PPARG: variants seen among roughly 807,000 people sequenced by gnomAD.
PPARG encodes peroxisome proliferator activated receptor gamma, also known as peroxisome proliferator-activated receptor gamma.
Under a neutral mutation model 39.2 loss-of-function variants are expected in PPARG, and 17 were observed. The observed-to-expected ratio is 0.43, with a 90% CI of 0.30 to 0.65. The LOEUF is 0.65. Among genes scored for constraint, PPARG ranks in the 30% least tolerant of loss-of-function variants. The pLI, the probability that PPARG is intolerant of heterozygous loss-of-function variation, is 0.13. For synonymous variants in PPARG, 223 were observed against 215.7 expected (o/e 1.03, Z -0.30); for missense variants, 406 against 585.9 (o/e 0.69, Z 3.17).
chr3:12,385,577 T>C (rs1200802809), intron 4 of PPARG, among the ~76,000 whole-genome samples: 2 of 152,178 alleles, frequency 1.3e-5, no homozygotes, highest in African/African-American at 4.8e-5. Context: ...TTCCATCCTA[T>C]TTTTTATCTT....
At chr3:12,338,297 C>G (rs1235349897) in intron 2 of PPARG, among the ~76,000 whole-genome samples, 1 of 152,170 alleles carries the variant, frequency 6.6e-6, no homozygotes, top group Non-Finnish European at 1.5e-5. Context: ...GTGTTTTAGA[C>G]CTAGCTGTCA....
chr3:12,320,888 AAAGAG>A (rs1224769748), intron 2 of PPARG, among the ~76,000 whole-genome samples: 1 of 152,190 alleles, frequency 6.6e-6, no homozygotes, highest in Non-Finnish European at 1.5e-5. Context: ...AAGAAAAAGA[AAAGAG>A]AAGAGAAGAC....
chr3:12,351,941 A>G (rs1350115811), intron 2 of PPARG, among the ~76,000 whole-genome samples: 1 of 152,240 alleles, frequency 6.6e-6, no homozygotes. Flanking sequence ...GTTATATCCA[A>G]AAACAATCCT....
At chr3:12,332,616 C>T (rs2047893000) in intron 2 of PPARG, among the ~76,000 whole-genome samples, 1 of 152,086 alleles carries the variant, frequency 6.6e-6, no homozygotes, top group African/African-American at 2.4e-5. Context: ...CAGTACATTC[C>T]TCAGCATTAT....
intron 4 of PPARG, among the ~76,000 whole-genome samples, chr3:12,383,167 C>A (rs1352882947): frequency 3.3e-5 from 5 of 152,104 alleles, no homozygotes; most frequent in Non-Finnish European, 5.9e-5. Flanking sequence ...TCAGGCCCCC[C>A]ATATGTAAAA....
At chr3:12,371,908 A>G in intron 2 of PPARG, 1 of 710,578 alleles carries the variant, frequency 1.4e-6, no homozygotes, top group East Asian at 2.7e-5. Flanking sequence ...AGGAATTAGT[A>G]AATTCCCAGG....
At chr3:12,410,500 T>C (rs1241899473) in intron 6 of PPARG, among the ~76,000 whole-genome samples, 9 of 152,198 alleles carry the variant, frequency 5.9e-5, no homozygotes, top group Non-Finnish European at 1.0e-4. Context: ...TTCACCCCTA[T>C]CTAAGAGATG....
chr3:12,394,751 T>A (rs1323092678), intron 5 of PPARG, among the ~76,000 whole-genome samples: 1 of 152,266 alleles, frequency 6.6e-6, no homozygotes, highest in Non-Finnish European at 1.5e-5. Context: ...TAGTTTTGCC[T>A]GTTAGCTGTA....
intron 4 of PPARG, among the ~76,000 whole-genome samples, chr3:12,382,835 G>A (rs1351393870): frequency 6.6e-6 from 1 of 152,100 alleles, no homozygotes; most frequent in South Asian, 2.1e-4. Context: ...ACCAGGCATG[G>A]TGGCACATGC....
intron 1 of PPARG, among the ~76,000 whole-genome samples, chr3:12,299,126 G>C (rs998108916): frequency 4.6e-5 from 7 of 152,224 alleles, no homozygotes; most frequent in African/African-American, 1.7e-4. Context: ...TGAGCCACGC[G>C]CCCAGCCTGA....
intron 2 of PPARG, among the ~76,000 whole-genome samples, chr3:12,326,486 A>C (rs1458336104): frequency 6.6e-6 from 1 of 152,194 alleles, no homozygotes; most frequent in African/African-American, 2.4e-5. Flanking sequence ...GTCCAAATAC[A>C]TGTTTTTATA....
intron 2 of PPARG, among the ~76,000 whole-genome samples, chr3:12,352,804 A>G (rs2048529712): frequency 6.6e-6 from 1 of 152,206 alleles, no homozygotes; most frequent in South Asian, 2.1e-4. Flanking sequence ...TTGATTCAAC[A>G]TGTATTTCTA....
At chr3:12,366,728 A>G (rs1014189032) in intron 2 of PPARG, among the ~76,000 whole-genome samples, 1 of 152,160 alleles carries the variant, frequency 6.6e-6, no homozygotes, top group Non-Finnish European at 1.5e-5. Context: ...AACCAACCCC[A>G]CATACCTTAG....
chr3:12,356,284 T>G (rs1001592586), intron 2 of PPARG, among the ~76,000 whole-genome samples: 1 of 152,242 alleles, frequency 6.6e-6, no homozygotes, highest in East Asian at 1.9e-4. Context: ...CTGTAACTAA[T>G]TTAAAGACGA....
At position 12,422,749 on chromosome 3, in the gene PPARG, G is replaced by A. The variant is rs190539381; in HGVS notation, c.1180+5595G>A. On this transcript the variant is annotated intron_variant, in intron 7 of 7. Coordinates refer to ENST00000651735, the MANE Select transcript of PPARG (RefSeq NM_138711.6). ...ACAAAAATTAGCCAGGTGTGGTGGCGCATGCATGTGTAGTCCAAGCTACTC... is the reference window on the plus strand; with the variant it reads ...ACAAAAATTAGCCAGGTGTGGTGGCACATGCATGTGTAGTCCAAGCTACTC... 6.6e-5 allele frequency among the ~76,000 whole-genome samples: 10 copies of A among 151,924 alleles called. No individual in the cohort carries two copies. The South Asian group carries it at 1.2e-3, about 19-fold the overall frequency.
chr3:12,406,155 G>A, intron 6 of PPARG, 74 bp downstream of exon 6: 1 of 1,369,458 alleles, frequency 7.3e-7, no homozygotes, highest in Non-Finnish European at 1.0e-6. Context: ...TGAGTAAATG[G>A]TTTACTGCGC....
At chr3:12,345,063 A>G (rs1465667270) in intron 2 of PPARG, among the ~76,000 whole-genome samples, 1 of 150,890 alleles carries the variant, frequency 6.6e-6, no homozygotes, top group Non-Finnish European at 1.5e-5. Context: ...ACGAAATAAA[A>G]ACACTATACA....
In PPARG at chr3:12,312,409, A is replaced by G. The variant is rs1574971091; in HGVS notation, c.-53A>G. The G allele has an allele frequency of 6.6e-6, 1 of 152,250 alleles. No individual in the cohort carries two copies. Among genetic ancestry groups the G allele is most frequent in the East Asian group, 1.9e-4 (1 of 5,204 alleles). The allele number at this position is 152,250 out of a possible 1,614,324, so 9.4% of individuals were successfully genotyped here. A position where few individuals can be genotyped will look rare whatever the true frequency, so the allele number is the denominator to read the frequency against. On this transcript the variant is annotated 5_prime_UTR_variant, in exon 2 of 8. Transcript: ENST00000651735. ...GAAAGAAGCCAACACTAAACCACAA[A>G]TATACAACAAGGCCATTTTCTCAAA... is the stretch of plus-strand genomic sequence containing the variant.
chr3:12,353,966 T>C (rs1306784880), intron 2 of PPARG, among the ~76,000 whole-genome samples: 2 of 152,204 alleles, frequency 1.3e-5, no homozygotes, highest in African/African-American at 4.8e-5. Flanking sequence ...CCTTGAAAGA[T>C]GATGACACAC....
Sources: allele counts gnomAD v4.1 joint callset (sites outside exome capture counted in the v4.1 genomes callset), GRCh38; gene constraint gnomAD v4.1.1; transcripts MANE v1.5; gene names NCBI Gene and HGNC (gene_info 2026-07-23, HGNC 2026-07-21).